MSH3: variants seen among roughly 807,000 people sequenced by gnomAD.
MSH3 encodes the protein DNA mismatch repair protein Msh3.
Under a neutral mutation model 123.3 loss-of-function variants are expected in MSH3, and 106 were observed. The observed-to-expected ratio is 0.86, with a 90% confidence interval of 0.73 to 1.01. The LOEUF is 1.01. MSH3 is among the 50% of genes least tolerant of loss of function. The pLI, the probability that MSH3 is intolerant of heterozygous loss-of-function variation, is 0.00. For missense variants in MSH3, 1,459 were observed against 1,347.6 expected, an observed-to-expected ratio of 1.08 and a Z score of -1.29; for synonymous variants, 515 against 481.4, an observed-to-expected ratio of 1.07 and a Z score of -0.91.
At chr5:80,785,573 G>T (rs1744491147) in intron 17 of MSH3, among the ~76,000 whole-genome samples, 1 of 152,136 alleles carries the variant, frequency 6.6e-6, no homozygotes, top group Admixed American at 6.6e-5. Context: ...TCTAGAACTA[G>T]AAATACCATT....
At chr5:80,704,333 A>G (rs865644) in intron 8 of MSH3, among the ~76,000 whole-genome samples, 108,652 of 152,082 alleles carry the variant, frequency 0.71, 38,872 homozygotes, top group African/African-American at 0.77. Context: ...AGAAAACAAT[A>G]CTGGAATTCA....
chr5:80,717,161 A>AGTAAAT (rs1750980080), intron 8 of MSH3, among the ~76,000 whole-genome samples: 1 of 152,228 alleles, frequency 6.6e-6, no homozygotes, highest in Non-Finnish European at 1.5e-5. Flanking sequence ...ATAGTGCTGC[A>AGTAAAT]GTAAATGTAA....
intron 19 of MSH3, among the ~76,000 whole-genome samples, chr5:80,812,470 T>G (rs1745024542): frequency 6.6e-6 from 1 of 152,178 alleles, no homozygotes; most frequent in African/African-American, 2.4e-5. Flanking sequence ...TTAGCCTCTC[T>G]TCAAGTTACC....
chr5:80,701,634 C>T (rs1490192097), intron 8 of MSH3, among the ~76,000 whole-genome samples: 1 of 152,162 alleles, frequency 6.6e-6, no homozygotes, highest in Non-Finnish European at 1.5e-5. Flanking sequence ...CTTCCTTTCA[C>T]TTTCTACCTG....
intron 17 of MSH3, among the ~76,000 whole-genome samples, chr5:80,779,235 C>T (rs1426419339): frequency 6.6e-6 from 1 of 151,906 alleles, no homozygotes; most frequent in Non-Finnish European, 1.5e-5. Flanking sequence ...TCAAGTGATC[C>T]GCCTGCCTCA....
At chr5:80,775,116 T>C (rs1482498783) in intron 15 of MSH3, among the ~76,000 whole-genome samples, 1 of 152,064 alleles carries the variant, frequency 6.6e-6, no homozygotes, top group Non-Finnish European at 1.5e-5. Flanking sequence ...AAAAAGATAC[T>C]ATGGTTCATA....
At chr5:80,723,792 T>G (rs893021323) in intron 8 of MSH3, among the ~76,000 whole-genome samples, 3 of 152,146 alleles carry the variant, frequency 2.0e-5, no homozygotes, top group Non-Finnish European at 4.4e-5. Context: ...TGAGACGATG[T>G]TTCACTCTTG....
At chr5:80,822,075 T>A (rs998024546) in intron 20 of MSH3, among the ~76,000 whole-genome samples, 2 of 152,200 alleles carry the variant, frequency 1.3e-5, no homozygotes, top group Non-Finnish European at 2.9e-5. Context: ...ATTAATTACC[T>A]GCAAAATGTG....
At chr5:80,671,071 C>T (rs941447742) in intron 4 of MSH3, among the ~76,000 whole-genome samples, 11 of 151,460 alleles carry the variant, frequency 7.3e-5, no homozygotes, top group African/African-American at 1.2e-4. Context: ...TGCAGTGAGC[C>T]GAGATCCTGC....
At chr5:80,663,059 A>G (rs1749476529) in intron 2 of MSH3, among the ~76,000 whole-genome samples, 2 of 151,926 alleles carry the variant, frequency 1.3e-5, no homozygotes, top group Non-Finnish European at 2.9e-5. Context: ...ACATAGGGAG[A>G]CCCTGTCTAT....
intron 17 of MSH3, among the ~76,000 whole-genome samples, chr5:80,786,095 A>C (rs1207224899): frequency 6.6e-6 from 1 of 152,116 alleles, no homozygotes; most frequent in African/African-American, 2.4e-5. Context: ...ATACATATGT[A>C]ACTAACCTGC....
At chr5:80,729,460 G>GTGTGTGTGTATATA (rs1277559108) in intron 10 of MSH3, among the ~76,000 whole-genome samples, 3 of 95,032 alleles carry the variant, frequency 3.2e-5, no homozygotes, top group South Asian at 4.1e-4. Flanking sequence ...GTGTGTGTGT[G>GTGTGTGTGTATATA]TATATATATA....
chr5:80,706,082 T>C (rs1005648784), intron 8 of MSH3, among the ~76,000 whole-genome samples: 2 of 152,228 alleles, frequency 1.3e-5, no homozygotes, highest in African/African-American at 2.4e-5. Flanking sequence ...GCTGATGTTA[T>C]TTGTATATAC....
At chr5:80,767,681 T>C (rs1005977809) in intron 13 of MSH3, among the ~76,000 whole-genome samples, 3 of 152,168 alleles carry the variant, frequency 2.0e-5, no homozygotes, top group African/African-American at 7.2e-5. Flanking sequence ...GTTTATGTTA[T>C]TTTAAAAATG....
intron 13 of MSH3, among the ~76,000 whole-genome samples, chr5:80,764,450 A>G (rs1164000251): frequency 6.6e-6 from 1 of 151,294 alleles, no homozygotes; most frequent in Non-Finnish European, 1.5e-5. Context: ...ACCACAGCTC[A>G]CTACAGCTTC....
At chr5:80,832,791 A>G (rs1307513627) in intron 20 of MSH3, among the ~76,000 whole-genome samples, 1 of 152,124 alleles carries the variant, frequency 6.6e-6, no homozygotes, top group Admixed American at 6.5e-5. Context: ...ATACTGTTGT[A>G]ATAGGAATAA....
chr5:80,852,611 TG>T (rs1745848681), intron 20 of MSH3, among the ~76,000 whole-genome samples: 1 of 152,184 alleles, frequency 6.6e-6, no homozygotes, highest in Admixed American at 6.5e-5. Flanking sequence ...CATTGAAATT[TG>T]AGGTAAATAC....
chr5:80,792,689 C>T (rs533118369), intron 18 of MSH3, 44 bp from the exon 19 acceptor site: 2 of 1,186,458 alleles, frequency 1.7e-6, no homozygotes, highest in African/African-American at 3.0e-5. Context: ...TTTTTTAAGG[C>T]TATTTCCATG....
chr5:80,744,857 G>C (rs553302888), intron 12 of MSH3, among the ~76,000 whole-genome samples: 1 of 152,202 alleles, frequency 6.6e-6, no homozygotes, highest in East Asian at 1.9e-4. Context: ...AGTGAGGATA[G>C]ATGCCTTTTG....
Sources: gnomAD v4.1 joint callset for allele counts (sites outside exome capture counted in the v4.1 genomes callset) on GRCh38, gnomAD v4.1.1 for gene constraint, MANE v1.5 for transcripts, NCBI Gene and HGNC (gene_info 2026-07-23, HGNC 2026-07-21) for gene names.